NWD1: variants seen among roughly 807,000 people sequenced by gnomAD.
NWD1 encodes NACHT domain- and WD repeat-containing protein 1.
Under a neutral mutation model 135.1 loss-of-function variants are expected in NWD1, and 129 were observed. The observed-to-expected ratio is 0.96, with a 90% CI of 0.83 to 1.11. The LOEUF is 1.11. Among genes scored for constraint, NWD1 ranks in the 50% least tolerant of loss-of-function variants. The pLI, the probability that NWD1 is intolerant of heterozygous loss-of-function variation, is 0.00. For missense variants in NWD1, 1,740 were observed against 1,851.3 expected (o/e 0.94, Z 1.10); for synonymous variants, 773 against 786.0 (o/e 0.98, Z 0.28).
chr19:16,750,006 C>A lies in NWD1; in HGVS notation c.1364C>A (p.Pro455His). Residue 455 changes from proline to histidine, a missense_variant, in exon 6 of 19, where the codon CCT becomes CAT. Coordinates refer to ENST00000524140, the MANE Select transcript of NWD1 (RefSeq NM_001007525.5). ...CATGCTCGGAGGGTTCCCTGGCTGC[C>A]TCTCAACTGCCCCCCGAGGGTGCAC... ...VRHARRVPWL[P>H]LNCPPRVHLI... 2 of 1,613,900 alleles carry A rather than the reference C, an allele frequency of 1.2e-6. No individual in the cohort carries two copies. Among genetic ancestry groups the A allele is most frequent in the Non-Finnish European group, 1.7e-6 (2 of 1,179,978 alleles).
intron 1 of NWD1, among the ~76,000 whole-genome samples, chr19:16,721,819 A>G (rs1198279309): frequency 1.3e-5 from 2 of 152,120 alleles, no homozygotes; most frequent in Non-Finnish European, 2.9e-5. Flanking sequence ...CTGAGAAAAT[A>G]ATTAACTCTG....
At chr19:16,745,825 G>A (rs1471532850) in intron 5 of NWD1, among the ~76,000 whole-genome samples, 1 of 152,140 alleles carries the variant, frequency 6.6e-6, no homozygotes, top group African/African-American at 2.4e-5. Context: ...GCTGAGATGA[G>A]AGGATCGCTG....
intron 4 of NWD1, among the ~76,000 whole-genome samples, chr19:16,740,722 C>G (rs968314749): frequency 6.6e-6 from 1 of 150,850 alleles, no homozygotes; most frequent in African/African-American, 2.5e-5. Context: ...TCTGCCCACC[C>G]TATTCTCCCA....
intron 15 of NWD1, 26 bp downstream of exon 15, chr19:16,794,579 A>G (rs1970358911): frequency 6.8e-7 from 1 of 1,469,330 alleles, no homozygotes; most frequent in Non-Finnish European, 9.4e-7. Context: ...CATTTGGAGT[A>G]GTGAGGAAGC....
intron 13 of NWD1, 137 bp downstream of exon 13, chr19:16,789,327 AG>A (rs1267244299): frequency 9.1e-6 from 6 of 660,948 alleles, no homozygotes; most frequent in African/African-American, 1.8e-5. Context: ...ACCACTTGAG[AG>A]GGTGCTATAA....
In NWD1 at chr19:16,733,520, C is replaced by CAAA. The variant is rs11436280; in HGVS notation, c.81+2256_81+2258dup. On this transcript the variant is annotated intron_variant, in intron 3 of 18. Transcript: ENST00000524140. ...TAGGCAACAGAATGAGATTCTGTCT[C>CAAA]AAAAAAAAAAAAAAAATCAAGTGGC... Among the ~76,000 whole-genome samples, 61 of 133,348 alleles carry CAAA rather than the reference C, an allele frequency of 4.6e-4. 1 individual carries two copies. The South Asian group carries it at 5.1e-3, about 11-fold the overall frequency. 87.5% of individuals were successfully genotyped at this position (133,348 alleles called of 152,430 possible). A position where few individuals can be genotyped will look rare whatever the true frequency, so the allele number is the denominator to read the frequency against.
At chr19:16,748,990 T>C in intron 5 of NWD1, 149 bp from the exon 6 acceptor site, 1 of 653,058 alleles carries the variant, frequency 1.5e-6, no homozygotes, top group Non-Finnish European at 2.6e-6. Context: ...ATGTGGGTCT[T>C]TTCGAGACCC....
At chr19:16,772,585 G>T (rs1969453837) in intron 10 of NWD1, among the ~76,000 whole-genome samples, 1 of 152,296 alleles carries the variant, frequency 6.6e-6, no homozygotes, top group African/African-American at 2.4e-5. Context: ...GGTGCAGGTT[G>T]CAGTGAGCCA....
Position 16,761,974 on chromosome 19 carries a change from T to C in NWD1, c.1974-5T>C. 6.2e-7 allele frequency: 1 copy of C among 1,613,312 alleles called. No homozygotes were observed. The highest frequency in any genetic ancestry group is 1.1e-5 in the South Asian group (1 of 91,054). On this transcript the variant is annotated splice_polypyrimidine_tract_variant and splice_region_variant and intron_variant, in intron 7 of 18. Transcript: ENST00000524140. ...GGTCTATCAGTCTGTATACCCTCTC[T>C]GTAGACAGCTGGTCGAGGTGGTCCG...
chr19:16,795,417 T>TTA (rs1970387104), intron 15 of NWD1, among the ~76,000 whole-genome samples: 1 of 117,760 alleles, frequency 8.5e-6, no homozygotes, highest in Non-Finnish European at 1.9e-5. Flanking sequence ...CTAATTACCT[T>TTA]TTTTTTTTTT....
At position 16,778,494 on chromosome 19, in the gene NWD1, C is replaced by CTTCTTTTTTTTT. The variant is rs200410922; in HGVS notation, c.2609-847_2609-846insCTTTTTTTTTTT. ...TCTTTTCTTTCTTCTTCTTCTTCTTCTTTTTTTTTTTTTTGTTGTTGTTGT... is the reference window on the plus strand; with the variant it reads ...TCTTTTCTTTCTTCTTCTTCTTCTTCTTCTTTTTTTTTTTTTTTTTTTTTTTGTTGTTGTTGT... On this transcript the variant is annotated intron_variant, in intron 11 of 18. Transcript: ENST00000524140. Among the ~76,000 whole-genome samples the CTTCTTTTTTTTT allele has an allele frequency of 2.1e-4, 23 of 107,566 alleles. 1 individual carries two copies. Among genetic ancestry groups the CTTCTTTTTTTTT allele is most frequent in the African/African-American group, 6.6e-4 (14 of 21,068 alleles). 70.6% of individuals were successfully genotyped at this position (107,566 alleles called of 152,430 possible).
intron 5 of NWD1, among the ~76,000 whole-genome samples, chr19:16,747,339 T>TTTTC (rs1410653672): frequency 2.2e-5 from 3 of 138,562 alleles, no homozygotes; most frequent in Admixed American, 1.5e-4. Context: ...CTGGCTGACA[T>TTTTC]TTTCTTTTTA....
rs986208022 is a variant in NWD1, at chr19:16,719,964, C to A, written c.-434C>A. The A allele has an allele frequency of 6.6e-6, 1 of 152,208 alleles. No homozygotes were observed. The highest frequency in any genetic ancestry group is 2.1e-4 in the South Asian group (1 of 4,834). 9.4% of individuals were successfully genotyped at this position (152,208 alleles called of 1,614,324 possible). A position where few individuals can be genotyped will look rare whatever the true frequency, so the allele number is the denominator to read the frequency against. ...GAGGCCAGGAAACTGTCCTCTCTAACCTATTTCCCCAGAGGAGTCTAAATT... is the reference window on the plus strand; with the variant it reads ...GAGGCCAGGAAACTGTCCTCTCTAAACTATTTCCCCAGAGGAGTCTAAATT... On this transcript the variant is annotated 5_prime_UTR_variant, in exon 1 of 19. Coordinates refer to ENST00000524140, the MANE Select transcript of NWD1 (RefSeq NM_001007525.5).
At chr19:16,736,354 C>T (rs1440890150) in intron 3 of NWD1, among the ~76,000 whole-genome samples, 1 of 152,036 alleles carries the variant, frequency 6.6e-6, no homozygotes, top group Non-Finnish European at 1.5e-5. Flanking sequence ...CTCAGCCTCC[C>T]GAGTAGCTGG....
In NWD1 at chr19:16,749,845, GC is replaced by G. The variant is rs1180188199; in HGVS notation, c.1208del (p.Pro403LeufsTer90). On this transcript the variant is annotated frameshift_variant, in exon 6 of 19. Transcript: ENST00000524140. LOFTEE classifies it high-confidence loss of function. ...TGTGCCTGGCCTATGGGCTGCCCTT[GC>G]CCCCTGCCCAGGTTCTGGACGCCCA... Reference protein sequence around the residue: ...QVCLAYGLPLPPAQVLDAHTR... With the variant: ...QVCLAYGLPLXPAQVLDAHTR... The G allele has an allele frequency of 5.0e-6, 8 of 1,612,176 alleles. No individual in the cohort carries two copies. In the South Asian group the frequency reaches 5.5e-5, roughly 11 times the overall value.
chr19:16,799,219 C>T (rs574150158), intron 16 of NWD1, among the ~76,000 whole-genome samples: 32 of 152,146 alleles, frequency 2.1e-4, no homozygotes, highest in Admixed American at 1.7e-3. Context: ...TTTATTTTGA[C>T]GGAGTCTCAC....
At chr19:16,802,205 C>A (rs1970621977) in intron 17 of NWD1, among the ~76,000 whole-genome samples, 1 of 151,550 alleles carries the variant, frequency 6.6e-6, no homozygotes, top group Non-Finnish European at 1.5e-5. Context: ...TCGCTTGAGC[C>A]CGGCAGGCAG....
At chr19:16,765,310 A>T (rs1001928793) in intron 10 of NWD1, 118 bp downstream of exon 10, 26 of 1,034,786 alleles carry the variant, frequency 2.5e-5, no homozygotes, top group Non-Finnish European at 3.5e-5. Context: ...TCCTGTCTAA[A>T]CATGTGAATT....
At chr19:16,732,679 A>C (rs1599428540) in intron 3 of NWD1, among the ~76,000 whole-genome samples, 1 of 143,968 alleles carries the variant, frequency 6.9e-6, no homozygotes, top group Middle Eastern at 3.5e-3. Context: ...AGAAAAAGTG[A>C]AAAAGTGCAG....
Sources: allele counts gnomAD v4.1 joint callset (sites outside exome capture counted in the v4.1 genomes callset), GRCh38; gene constraint gnomAD v4.1.1; transcripts MANE v1.5; gene names NCBI Gene and HGNC (gene_info 2026-07-23, HGNC 2026-07-21).